Variants in ZRANB3 observed in about 807,000 individuals in gnomAD.
ZRANB3 encodes DNA annealing helicase and endonuclease ZRANB3.
ZRANB3 carries 125 observed loss-of-function variants against 133.8 expected under a neutral mutation model. The observed-to-expected ratio is 0.93, with a 90% CI of 0.81 to 1.08. ZRANB3 has a LOEUF of 1.08. ZRANB3 is among the 50% of genes least tolerant of loss of function. The probability of loss-of-function intolerance (pLI) is 0.00; values close to 1 mark genes in which losing one functional copy is unlikely to be tolerated. For synonymous variants in ZRANB3, 387 were observed against 432.7 expected, an observed-to-expected ratio of 0.89 and a Z score of 1.31; for missense variants, 1,229 against 1,275.5, an observed-to-expected ratio of 0.96 and a Z score of 0.56.
In ZRANB3 at chr2:135,212,797, C is replaced by T. The variant is rs550680408; in HGVS notation, c.2496-3819G>A. ...AAAGTGTACGTTGCAAAGTGGCCCA[C>T]ATCAATGAACACAATCTTGGGCTCT... is the stretch of plus-strand genomic sequence containing the variant. On this transcript the variant is annotated intron_variant, in intron 17 of 20. Coordinates refer to ENST00000264159, the MANE Select transcript of ZRANB3 (RefSeq NM_032143.4). Among the ~76,000 whole-genome samples the T allele has an allele frequency of 3.3e-5, 5 of 152,296 alleles. No individual in the cohort carries two copies. In the South Asian group the frequency reaches 1.0e-3, roughly 32 times the overall value.
At chr2:135,393,369 T>C (rs929567488) in intron 2 of ZRANB3, among the ~76,000 whole-genome samples, 6 of 152,146 alleles carry the variant, frequency 3.9e-5, no homozygotes, top group Non-Finnish European at 7.3e-5. Context: ...ATGAACTTTT[T>C]TTTTTTAAGA....
At chr2:135,408,470 A>G (rs1448871171) in intron 2 of ZRANB3, among the ~76,000 whole-genome samples, 7 of 149,518 alleles carry the variant, frequency 4.7e-5, no homozygotes, top group African/African-American at 1.8e-4. Flanking sequence ...CCATCCCATT[A>G]CTGGGTATAT....
At chr2:135,365,444 G>C (rs1530003) in intron 3 of ZRANB3, among the ~76,000 whole-genome samples, 40,189 of 152,016 alleles carry the variant, frequency 0.26, 8,879 homozygotes, top group African/African-American at 0.59. Context: ...TATATATAAG[G>C]CTCAATGATC....
rs762333215 is a variant in ZRANB3 at position 135,265,604 on chromosome 2, A to G, written c.1469T>C (p.Leu490Pro). The change falls in exon 12 of 21, where the codon CTG becomes CCG. Residue 490 changes from leucine to proline, a missense_variant. Transcript: ENST00000264159. ...EEGDKEKWDF[L>P]QFAEAWTPND... is the part of the protein sequence containing the mutation. ...TGGAGTCCAAGCTTCAGCAAACTGC[A>G]GGAAATCCCATTTTTCCTTATCACC... The G allele has an allele frequency of 6.2e-7, 1 of 1,613,658 alleles. No individual in the cohort carries two copies. Among genetic ancestry groups the G allele is most frequent in the Non-Finnish European group, 8.5e-7 (1 of 1,179,746 alleles).
intron 2 of ZRANB3, among the ~76,000 whole-genome samples, chr2:135,496,412 A>C (rs12996940): frequency 1.4e-5 from 2 of 148,130 alleles, no homozygotes; most frequent in African/African-American, 2.5e-5. Context: ...AAAAAAAAAA[A>C]CGAAATCCGC....
intron 6 of ZRANB3, among the ~76,000 whole-genome samples, chr2:135,339,269 G>T (rs1188368895): frequency 1.3e-5 from 2 of 152,094 alleles, no homozygotes; most frequent in African/African-American, 4.8e-5. Context: ...AAATTAGCTG[G>T]GTGTGGTGGT....
At chr2:135,320,386 T>C (rs528282676) in intron 6 of ZRANB3, among the ~76,000 whole-genome samples, 1 of 152,258 alleles carries the variant, frequency 6.6e-6, no homozygotes, top group Non-Finnish European at 1.5e-5. Flanking sequence ...TGGGGGTAGG[T>C]TTAAAACAAA....
chr2:135,529,863 A>C (rs1465792705), intron 1 of ZRANB3, among the ~76,000 whole-genome samples: 1 of 151,134 alleles, frequency 6.6e-6, no homozygotes, highest in East Asian at 2.0e-4. Flanking sequence ...TGATGGGGCC[A>C]CTCTTGATTA....
At chr2:135,313,722 A>G (rs909691279) in intron 7 of ZRANB3, 117 bp from the exon 8 acceptor site, 5 of 575,384 alleles carry the variant, frequency 8.7e-6, no homozygotes, top group Non-Finnish European at 1.2e-5. Context: ...ATATAAAAAG[A>G]AAATCCCCAA....
At chr2:135,297,887 C>A (rs187272555) in intron 8 of ZRANB3, among the ~76,000 whole-genome samples, 4 of 152,012 alleles carry the variant, frequency 2.6e-5, no homozygotes, top group Admixed American at 1.3e-4. Context: ...CTTTTCTTTA[C>A]GATATCTATT....
chr2:135,375,327 T>C (rs938353859), intron 3 of ZRANB3, among the ~76,000 whole-genome samples: 23 of 151,696 alleles, frequency 1.5e-4, no homozygotes, highest in Admixed American at 1.2e-3. Flanking sequence ...CCAAGGCAGG[T>C]GGATCACCTG....
chr2:135,222,187 G>A (rs1027654905), intron 15 of ZRANB3, among the ~76,000 whole-genome samples: 2 of 151,534 alleles, frequency 1.3e-5, no homozygotes, highest in Non-Finnish European at 1.5e-5. Flanking sequence ...GGCAGATCAC[G>A]AAGTCAGGAG....
At chr2:135,508,640 T>G (rs1042072902) in intron 1 of ZRANB3, among the ~76,000 whole-genome samples, 1 of 152,128 alleles carries the variant, frequency 6.6e-6, no homozygotes, top group Non-Finnish European at 1.5e-5. Flanking sequence ...TTTGGATAAA[T>G]AAAGAACTTA....
chr2:135,516,786 T>C (rs1693716918), intron 1 of ZRANB3, among the ~76,000 whole-genome samples: 1 of 152,174 alleles, frequency 6.6e-6, no homozygotes, highest in Non-Finnish European at 1.5e-5. Flanking sequence ...CTTTGTGGTG[T>C]TCTCCATATT....
At chr2:135,242,669 C>G (rs1263604360) in intron 12 of ZRANB3, among the ~76,000 whole-genome samples, 1 of 152,080 alleles carries the variant, frequency 6.6e-6, no homozygotes, top group African/African-American at 2.4e-5. Context: ...CTTCCTCTAT[C>G]TTATCTTTCT....
intron 2 of ZRANB3, among the ~76,000 whole-genome samples, chr2:135,432,158 G>A (rs1689350474): frequency 1.3e-5 from 2 of 152,168 alleles, no homozygotes; most frequent in African/African-American, 2.4e-5. Flanking sequence ...TCTGAGGCAG[G>A]AGAATCGCTT....
intron 12 of ZRANB3, among the ~76,000 whole-genome samples, chr2:135,234,230 A>G (rs1485358019): frequency 6.6e-6 from 1 of 152,224 alleles, no homozygotes; most frequent in Non-Finnish European, 1.5e-5. Context: ...GATCAATTCA[A>G]CAAGAAGAGC....
intron 2 of ZRANB3, among the ~76,000 whole-genome samples, chr2:135,431,926 T>A (rs539835555): frequency 5.1e-4 from 77 of 152,224 alleles, no homozygotes; most frequent in African/African-American, 1.8e-3. Flanking sequence ...CTGAACTGCA[T>A]ACCGTGAGCC....
chr2:135,512,990 G>A (rs1047243419), intron 1 of ZRANB3, among the ~76,000 whole-genome samples: 2 of 152,106 alleles, frequency 1.3e-5, no homozygotes, highest in Admixed American at 6.6e-5. Context: ...AAAGACAGGA[G>A]TATTATTTTC....
Sources: gnomAD v4.1 joint callset for allele counts (sites outside exome capture counted in the v4.1 genomes callset) on GRCh38, gnomAD v4.1.1 for gene constraint, MANE v1.5 for transcripts, NCBI Gene and HGNC (gene_info 2026-07-23, HGNC 2026-07-21) for gene names.